DLG1: variants seen among roughly 807,000 people sequenced by gnomAD.
The protein encoded by DLG1 is discs large MAGUK scaffold protein 1.
Under a neutral mutation model 123.4 loss-of-function variants are expected in DLG1, and 42 were observed. The observed-to-expected ratio is 0.34, with a 90% CI of 0.27 to 0.44. The LOEUF (loss-of-function observed/expected upper bound fraction) is 0.44. Among genes scored for constraint, DLG1 ranks in the 20% least tolerant of loss-of-function variants. The pLI is 1.00. For synonymous variants in DLG1, 317 were observed against 356.2 expected, an observed-to-expected ratio of 0.89 and a Z score of 1.24; for missense variants, 942 against 1,082.6, an observed-to-expected ratio of 0.87 and a Z score of 1.82.
At chr3:197,121,819 A>G (rs1442201702) in intron 11 of DLG1, among the ~76,000 whole-genome samples, 4 of 88,654 alleles carry the variant, frequency 4.5e-5, no homozygotes, top group Non-Finnish European at 1.0e-4. Flanking sequence ...CTTGACAATC[A>G]CCACAAAAAA....
At chr3:197,100,679 T>C (rs1204394757) in intron 14 of DLG1, among the ~76,000 whole-genome samples, 4 of 152,174 alleles carry the variant, frequency 2.6e-5, no homozygotes, top group African/African-American at 2.4e-5. Flanking sequence ...GAACAGGGTA[T>C]GGAGACCCAC....
intron 4 of DLG1, among the ~76,000 whole-genome samples, chr3:197,240,188 T>G (rs1399933552): frequency 1.3e-5 from 2 of 152,112 alleles, no homozygotes; most frequent in East Asian, 3.9e-4. Context: ...TGAATCAGAG[T>G]AGATGTTCAT....
At chr3:197,184,389 T>C (rs538672413) in intron 5 of DLG1, among the ~76,000 whole-genome samples, 106 of 152,334 alleles carry the variant, frequency 7.0e-4, no homozygotes, top group Middle Eastern at 3.4e-3. Context: ...TTAAAATGAT[T>C]TCACTAAAAG....
rs367877321 is a variant in DLG1, at chr3:197,210,291, G to A, written c.319-15702C>T. Among the ~76,000 whole-genome samples the A allele has an allele frequency of 3.5e-3, 491 of 141,366 alleles. 70 individuals are homozygous for A. Among genetic ancestry groups the A allele is most frequent in the South Asian group, 8.4e-3 (31 of 3,700 alleles). The allele number at this position is 141,366 out of a possible 152,430, so 92.7% of individuals were successfully genotyped here. ...TAAAGTAAACCTGAGGGGAAGAGAA[G>A]GAAGGAAATAATAAAAGGCAGAAAT... On this transcript the variant is annotated intron_variant, in intron 4 of 24. Coordinates refer to ENST00000667157, the MANE Select transcript of DLG1 (RefSeq NM_001366207.1).
chr3:197,091,134 G>C, intron 14 of DLG1, 108 bp from the exon 15 acceptor site: 1 of 684,852 alleles, frequency 1.5e-6, no homozygotes, highest in Non-Finnish European at 2.4e-6. Context: ...AATGTGGTTA[G>C]AACCTTAAAA....
chr3:197,299,275 A>T (rs1778731538), upstream of DLG1: 1 of 152,176 alleles, frequency 6.6e-6, no homozygotes, highest in Non-Finnish European at 1.5e-5. Context: ...ATTTGCCCAA[A>T]GTTACCCCGA....
intron 4 of DLG1, among the ~76,000 whole-genome samples, chr3:197,275,758 G>C (rs1458853404): frequency 6.6e-6 from 1 of 152,116 alleles, no homozygotes; most frequent in Non-Finnish European, 1.5e-5. Context: ...GTGAAGGAGG[G>C]GAGGAAGACA....
intron 24 of DLG1, among the ~76,000 whole-genome samples, chr3:197,049,137 TGTAAC>T (rs1352757911): frequency 5.2e-3 from 10 of 1,908 alleles, no homozygotes; most frequent in African/African-American, 0.019. Context: ...CGGCCAACCC[TGTAAC>T]CCTGTCTCTA....
At chr3:197,245,612 G>C (rs1400555049) in intron 4 of DLG1, among the ~76,000 whole-genome samples, 4 of 152,094 alleles carry the variant, frequency 2.6e-5, no homozygotes, top group Admixed American at 6.6e-5. Context: ...TGATGTAGCT[G>C]AGACAAAACC....
rs767223219 is a variant in DLG1, at chr3:197,104,998, C to T, written c.1451G>A (p.Ser484Asn). 1.4e-5 allele frequency: 23 copies of T among 1,591,632 alleles called. No homozygotes were observed. Among genetic ancestry groups the T allele is most frequent in the Non-Finnish European group, 2.0e-5 (23 of 1,168,176 alleles). ...RKGDRIISVNSVDLRAASHEQ... is the reference protein window; with the variant it reads ...RKGDRIISVNNVDLRAASHEQ... ...ATGACTAGCAGCTCTGAGGTCAACA[C>T]TGTTTACCTGTAAATCAAACCAAAT... The change falls in exon 14 of 25, where the codon AGT (serine) becomes AAT (asparagine). Residue 484 changes from serine to asparagine, a missense_variant. By Grantham distance (46) the Ser-to-Asn change is conservative. Coordinates refer to ENST00000667157, the MANE Select transcript of DLG1 (RefSeq NM_001366207.1).
chr3:197,214,551 C>T (rs758709438), intron 4 of DLG1, among the ~76,000 whole-genome samples: 11 of 151,534 alleles, frequency 7.3e-5, no homozygotes, highest in East Asian at 1.9e-4. Flanking sequence ...CTAGCCTGGG[C>T]GACAGAGCGA....
chr3:197,050,072 C>T (rs1479490397), intron 24 of DLG1, among the ~76,000 whole-genome samples: 1 of 150,466 alleles, frequency 6.6e-6, no homozygotes, highest in Non-Finnish European at 1.5e-5. Flanking sequence ...AACAAACAAA[C>T]AAAACCAAAA....
intron 11 of DLG1, among the ~76,000 whole-genome samples, chr3:197,124,969 A>G (rs1778301315): frequency 6.6e-6 from 1 of 152,218 alleles, no homozygotes; most frequent in Admixed American, 6.5e-5. Context: ...CTGCAAGAAC[A>G]AGATTCTCTG....
At chr3:197,165,750 A>C (rs572276807) in intron 5 of DLG1, among the ~76,000 whole-genome samples, 2 of 152,362 alleles carry the variant, frequency 1.3e-5, no homozygotes, top group Admixed American at 1.3e-4. Context: ...ATGCATAAGA[A>C]AAGCGTGGTG....
intron 4 of DLG1, among the ~76,000 whole-genome samples, chr3:197,271,993 A>G (rs1277208555): frequency 2.0e-5 from 3 of 152,146 alleles, no homozygotes; most frequent in Non-Finnish European, 4.4e-5. Context: ...ACTTTAGTTT[A>G]TGGGAGTTTT....
At chr3:197,245,409 A>T (rs1271566696) in intron 4 of DLG1, among the ~76,000 whole-genome samples, 4 of 152,164 alleles carry the variant, frequency 2.6e-5, no homozygotes. Context: ...ATTTTGGTAT[A>T]ATCAATTTGG....
intron 5 of DLG1, among the ~76,000 whole-genome samples, chr3:197,171,828 GCTT>G (rs1322346066): frequency 2.6e-5 from 4 of 152,094 alleles, no homozygotes; most frequent in Non-Finnish European, 5.9e-5. Flanking sequence ...GCAATAATGT[GCTT>G]TTTTACCTGA....
intron 23 of DLG1, among the ~76,000 whole-genome samples, chr3:197,054,340 A>G (rs375505391): frequency 1.6e-5 from 2 of 127,370 alleles, no homozygotes; most frequent in East Asian, 4.8e-4. Flanking sequence ...CCTTCTCTCT[A>G]TTCTCCTTCA....
chr3:197,265,674 A>G (rs766730857), intron 4 of DLG1, among the ~76,000 whole-genome samples: 2 of 152,208 alleles, frequency 1.3e-5, no homozygotes, highest in Non-Finnish European at 2.9e-5. Flanking sequence ...GAGCTCACGC[A>G]AGGCCAAGAA....
Sources: gnomAD v4.1 joint callset for allele counts (sites outside exome capture counted in the v4.1 genomes callset) on GRCh38, gnomAD v4.1.1 for gene constraint, MANE v1.5 for transcripts, NCBI Gene and HGNC (gene_info 2026-07-23, HGNC 2026-07-21) for gene names.